Variants in ADCY7 observed in about 807,000 individuals in gnomAD.
ADCY7 encodes adenylate cyclase 7, also known as adenylate cyclase type 7.
A neutral mutation model predicts 120.6 loss-of-function variants in ADCY7; 72 were observed. The ratio of observed to expected loss-of-function variants is 0.60; its 90% CI spans 0.49 to 0.73. The LOEUF is 0.73. Ranked by LOEUF, ADCY7 falls within the 30% of genes least tolerant of loss-of-function variation. ADCY7 has a pLI of 0.00. For synonymous variants in ADCY7, 661 were observed against 628.0 expected (o/e 1.05, Z -0.78); for missense variants, 1,227 against 1,486.0 (o/e 0.83, Z 2.87).
chr16:50,261,180 T>G (rs1252547621), intron 1 of ADCY7, among the ~76,000 whole-genome samples: 1 of 152,138 alleles, frequency 6.6e-6, no homozygotes, highest in African/African-American at 2.4e-5. Context: ...TGGTTCCCCA[T>G]AGGAACAGGG....
At position 50,288,148 on chromosome 16, in the gene ADCY7, C is replaced by G; in HGVS notation, c.-32C>G. The G allele has an allele frequency of 6.6e-7, 1 of 1,523,494 alleles. No homozygotes were observed. Among genetic ancestry groups the G allele is most frequent in the Non-Finnish European group, 8.8e-7 (1 of 1,131,652 alleles). 94.4% of individuals were successfully genotyped at this position (1,523,494 alleles called of 1,614,324 possible). On this transcript the variant is annotated 5_prime_UTR_variant, in exon 2 of 26. Coordinates refer to ENST00000673801, the MANE Select transcript of ADCY7 (RefSeq NM_001114.5). ...CCAGGCCCTGGGGCCTCCTTAACGG[C>G]CCCTTAACGACACGCGTGCCAAGGG...
chr16:50,306,985 A>G, intron 14 of ADCY7, 65 bp from the exon 15 acceptor site: 1 of 1,294,146 alleles, frequency 7.7e-7, no homozygotes, highest in Non-Finnish European at 1.1e-6. Context: ...AAGCTGATTC[A>G]CTGGAGGCAG....
upstream of ADCY7, among the ~76,000 whole-genome samples, chr16:50,266,172 C>T (rs921439990): frequency 6.6e-5 from 10 of 152,128 alleles, no homozygotes; most frequent in Non-Finnish European, 1.2e-4. Context: ...CAGGAAGGCG[C>T]GGGGGGCCTG....
At chr16:50,305,427 G>A in intron 12 of ADCY7, 76 bp from the exon 13 acceptor site, 2 of 1,329,242 alleles carry the variant, frequency 1.5e-6, no homozygotes, top group Non-Finnish European at 1.1e-6. Context: ...CCCCACTGGT[G>A]TCTACGTCCA....
rs145728675 is a variant in ADCY7 at position 50,291,807 on chromosome 16, C to T, written c.447C>T (p.Ala149=). ...LLPFSMRGAV[A]VGAVSTASHL... is the part of the protein sequence containing the mutation. The stretch of plus-strand genomic sequence containing the variant: ...CCTTCAGCATGCGGGGCGCTGTCGC[C>T]GTTGGGGCCGTCTCCACTGCCTCCC... The change falls in exon 4 of 26, where the codon GCC becomes GCT. Residue 149 remains alanine, a synonymous_variant. Transcript: ENST00000673801. 2.2e-5 allele frequency: 36 copies of T among 1,614,092 alleles called. No individual in the cohort carries two copies. Among genetic ancestry groups the T allele is most frequent in the South Asian group, 1.6e-4 (15 of 91,084 alleles).
At chr16:50,295,970 G>A (rs1300987477) in intron 7 of ADCY7, among the ~76,000 whole-genome samples, 1 of 152,188 alleles carries the variant, frequency 6.6e-6, no homozygotes, top group African/African-American at 2.4e-5. Context: ...TTAAGGTGGT[G>A]GCTCCCTATC....
chr16:50,301,880 C>T (rs1195082980), intron 10 of ADCY7: 1 of 153,058 alleles, frequency 6.5e-6, no homozygotes, highest in African/African-American at 2.4e-5. Flanking sequence ...CTCGCTATGC[C>T]TTGGGGCTGG....
chr16:50,309,854 G>C (rs1277700402), intron 18 of ADCY7, among the ~76,000 whole-genome samples: 2 of 152,228 alleles, frequency 1.3e-5, no homozygotes, highest in African/African-American at 2.4e-5. Flanking sequence ...TCCTGGCCTT[G>C]GCAGGCTTGG....
intron 12 of ADCY7, 144 bp downstream of exon 12, chr16:50,305,103 T>C: frequency 9.4e-7 from 1 of 1,068,168 alleles, no homozygotes; most frequent in Admixed American, 2.0e-5. Flanking sequence ...GGTCAAAGCA[T>C]TTCTAGGAAC....
In ADCY7 at chr16:50,314,063, G is replaced by C; in HGVS notation, c.2856+1G>C. ...CGTCGCCTCAGGGCACGAGAACCAG[G>C]TACTCAAGCCCAAGAGGTGAAATTC... is the stretch of plus-strand genomic sequence containing the variant. On this transcript the variant is annotated splice_donor_variant, in intron 23 of 25. Transcript: ENST00000673801. LOFTEE classifies it high-confidence loss of function. 6.2e-7 allele frequency: 1 copy of C among 1,613,496 alleles called. No homozygotes were observed. Among genetic ancestry groups the C allele is most frequent in the Admixed American group, 1.7e-5 (1 of 59,988 alleles).
chr16:50,252,835 C>A (rs1281220551), intron 1 of ADCY7, among the ~76,000 whole-genome samples: 1 of 152,118 alleles, frequency 6.6e-6, no homozygotes, highest in Admixed American at 6.5e-5. Context: ...AATGAAAAAT[C>A]AGAAAATATA....
chr16:50,283,148 A>C (rs1489695514), intron 1 of ADCY7, among the ~76,000 whole-genome samples: 1 of 152,228 alleles, frequency 6.6e-6, no homozygotes, highest in Non-Finnish European at 1.5e-5. Flanking sequence ...TAGACGCAAC[A>C]AACTGGGTCC....
chr16:50,283,406 C>T (rs2034396309), intron 1 of ADCY7, among the ~76,000 whole-genome samples: 2 of 152,154 alleles, frequency 1.3e-5, no homozygotes, highest in Non-Finnish European at 2.9e-5. Context: ...CTGACAGTGT[C>T]AGGTCACCGA....
intron 1 of ADCY7, chr16:50,274,329 G>A (rs934490110): frequency 8.5e-5 from 13 of 152,498 alleles, no homozygotes; most frequent in African/African-American, 2.9e-4. Flanking sequence ...AGCTCCGTAA[G>A]GGCAGGGTTT....
At chr16:50,262,172 C>CCCATTGTTG (rs1449031273), upstream of ADCY7, among the ~76,000 whole-genome samples, 1 of 152,088 alleles carries the variant, frequency 6.6e-6, no homozygotes, top group Non-Finnish European at 1.5e-5. Context: ...ATCTTGAGCC[C>CCCATTGTTG]CCATTGTTGC....
intron 1 of ADCY7, among the ~76,000 whole-genome samples, chr16:50,247,950 GC>G (rs35299548): frequency 6.6e-6 from 1 of 152,310 alleles, no homozygotes; most frequent in African/African-American, 2.4e-5. Context: ...CTCCCAGGGA[GC>G]CCTCCAATTT....
Position 50,314,036 on chromosome 16 carries a change from A to G in ADCY7, c.2830A>G (p.Ser944Gly). The G allele has an allele frequency of 6.2e-7, 1 of 1,614,186 alleles. No homozygotes were observed. Residue 944 changes from serine (S) to glycine (G), a missense_variant, in exon 23 of 26, where the codon AGC (serine) becomes GGC (glycine). Physicochemically the swap from Ser to Gly is moderately conservative, Grantham distance 56 (BLOSUM62 0). This residue lies in a region of ADCY7 where 244 missense variants were observed against 332.8 expected (regional missense o/e 0.73). Transcript: ENST00000673801. ...CACGTACATGGCAGCTGCAGGGCTC[A>G]GCGTCGCCTCAGGGCACGAGAACCA... The part of the protein sequence containing the change: ...GSTYMAAAGL[S>G]VASGHENQEL...
chr16:50,310,168 C>A (rs143266392), intron 18 of ADCY7, among the ~76,000 whole-genome samples: 2 of 152,124 alleles, frequency 1.3e-5, no homozygotes, highest in African/African-American at 4.8e-5. Context: ...GGGAAAAAGC[C>A]GAGGCGTGTG....
In ADCY7 at chr16:50,304,425, G is replaced by A; in HGVS notation, c.1434G>A (p.Met478Ile). 4 of 1,603,776 alleles carry A rather than the reference G, an allele frequency of 2.5e-6. No individual in the cohort carries two copies. The highest frequency in any genetic ancestry group is 3.4e-6 in the Non-Finnish European group (4 of 1,175,146). The part of the protein sequence containing the change: ...PRPKGDAALK[M>I]RASVRMTRYL... ...CCAAGGGGGACGCGGCCCTGAAGAT[G>A]CGGGCGTCAGTGCGCATGACCCGGT... The change falls in exon 11 of 26, where the codon ATG (methionine) becomes ATA (isoleucine). Residue 478 changes from methionine (M) to isoleucine (I), a missense_variant. This residue lies in a region of ADCY7 where 332 missense variants were observed against 455.8 expected (regional missense o/e 0.73). Transcript: ENST00000673801.
Sources: gnomAD v4.1 joint callset for allele counts (sites outside exome capture counted in the v4.1 genomes callset) on GRCh38, gnomAD v4.1.1 for gene constraint, gnomAD v4.1.1 regional missense constraint, MANE v1.5 for transcripts, NCBI Gene and HGNC (gene_info 2026-07-23, HGNC 2026-07-21) for gene names.